Variants in ECI2 observed in about 807,000 individuals in gnomAD.
ECI2 encodes D3,D2-enoyl-CoA isomerase.
In ECI2, 27 loss-of-function variants were observed where a neutral mutation model predicts 38.4. The ratio of observed to expected loss-of-function variants is 0.70; its 90% CI spans 0.52 to 0.97. The LOEUF is 0.97. Among genes scored for constraint, ECI2 ranks in the 50% least tolerant of loss-of-function variants. The pLI, the probability that ECI2 is intolerant of heterozygous loss-of-function variation, is 0.00. For missense variants in ECI2, 470 were observed against 474.4 expected (o/e 0.99, Z 0.09); for synonymous variants, 168 against 172.0 (o/e 0.98, Z 0.18).
chr6:4,133,669 C>CCGGGAAACT lies in ECI2; in HGVS notation c.92_93insAGTTTCCCG (p.Met31delinsIleValSerArg). ...GACTGGCTCTCATTGCTGTTCTATT[C>CCGGGAAACT]ATGTGCAGCTGAACTACCGGGAAAC... On this transcript the variant is annotated protein_altering_variant, in exon 2 of 10. Transcript: ENST00000380118. 1 of 1,613,300 alleles carries CCGGGAAACT rather than the reference C, an allele frequency of 6.2e-7. No individual in the cohort carries two copies. Among genetic ancestry groups the CCGGGAAACT allele is most frequent in the East Asian group, 2.2e-5 (1 of 44,862 alleles).
chr6:4,117,581 G>A (rs1772366857), intron 8 of ECI2, 130 bp from the exon 9 acceptor site: 4 of 1,316,152 alleles, frequency 3.0e-6, no homozygotes, highest in South Asian at 1.6e-5. Context: ...CTCAGTAAGG[G>A]AGAAGCTGAT....
chr6:4,131,770 T>C (rs907162366), intron 2 of ECI2, among the ~76,000 whole-genome samples: 1 of 152,054 alleles, frequency 6.6e-6, no homozygotes, highest in Non-Finnish European at 1.5e-5. Flanking sequence ...GGCAGAAGGA[T>C]TGCCTGAACC....
intron 7 of ECI2, among the ~76,000 whole-genome samples, chr6:4,120,273 G>T (rs1011106229): frequency 6.6e-6 from 1 of 152,264 alleles, no homozygotes; most frequent in Middle Eastern, 3.4e-3. Flanking sequence ...CCAATATCAT[G>T]GAGTATACTT....
intron 1 of ECI2, among the ~76,000 whole-genome samples, chr6:4,133,986 C>T (rs978538987): frequency 3.3e-5 from 5 of 152,178 alleles, no homozygotes; most frequent in Admixed American, 3.3e-4. Context: ...GCAGCCAGAA[C>T]AGGAATGACC....
At position 4,126,570 on chromosome 6, in the gene ECI2, A is replaced by G. The variant is rs567597145; in HGVS notation, c.572-333T>C. On this transcript the variant is annotated intron_variant, in intron 5 of 9. Transcript: ENST00000380118. The stretch of plus-strand genomic sequence containing the variant: ...ATCTGAAGGAGAGGCCAGGTGGGCT[A>G]GAAAAAGAGGGCTGGGAAGAACAGT... Among the ~76,000 whole-genome samples, 14 of 152,326 alleles carry G rather than the reference A, an allele frequency of 9.2e-5. No homozygotes were observed. The South Asian group carries it at 2.5e-3, about 27-fold the overall frequency.
chr6:4,119,452 C>G (rs373975392), intron 7 of ECI2, among the ~76,000 whole-genome samples, 177 bp from the exon 8 acceptor site: 5 of 152,052 alleles, frequency 3.3e-5, no homozygotes, highest in Non-Finnish European at 7.4e-5. Flanking sequence ...TCCACAGCAG[C>G]TACGATTACA....
intron 7 of ECI2, among the ~76,000 whole-genome samples, chr6:4,122,650 C>A (rs547348163): frequency 6.6e-6 from 1 of 152,082 alleles, no homozygotes; most frequent in Non-Finnish European, 1.5e-5. Context: ...CGCCTGCCAC[C>A]ACACCTGGCT....
At chr6:4,121,987 T>C (rs755967273) in intron 7 of ECI2, 6 of 1,607,356 alleles carry the variant, frequency 3.7e-6, no homozygotes, top group Admixed American at 1.7e-5. Flanking sequence ...AGACACAGCC[T>C]AAGGAATACA....
Position 4,117,201 on chromosome 6 carries a change from C to T in ECI2, c.1029+107G>A, listed in dbSNP as rs1317759422. 16 of 1,383,568 alleles carry T rather than the reference C, an allele frequency of 1.2e-5. No homozygotes were observed. In the East Asian group the frequency reaches 3.1e-4, roughly 27 times the overall value. 85.7% of individuals were successfully genotyped at this position (1,383,568 alleles called of 1,614,324 possible). A position where few individuals can be genotyped will look rare whatever the true frequency, so the allele number is the denominator to read the frequency against. The stretch of plus-strand genomic sequence containing the variant: ...CAAATTTAGATGTGCTTAGAGGTAA[C>T]TAAAGATGTGTCTTGTGCTTTTTAT... On this transcript the variant is annotated intron_variant, in intron 9 of 9. Transcript: ENST00000380118.
rs1388727978 is a variant in ECI2 at position 4,130,866 on chromosome 6, C to G, written c.214-1G>C. The G allele has an allele frequency of 6.2e-7, 1 of 1,613,766 alleles. No homozygotes were observed. Among genetic ancestry groups the G allele is most frequent in the Non-Finnish European group, 8.5e-7 (1 of 1,179,940 alleles). On this transcript the variant is annotated splice_acceptor_variant, in intron 2 of 9. Coordinates refer to ENST00000380118, the MANE Select transcript of ECI2 (RefSeq NM_206836.3). LOFTEE classifies it high-confidence loss of function. ...GCATGTTACAAGGTCCTTCAGTGGC[C>G]TGTGAAAAGGAGAGGGGCAATATGT...
At chr6:4,123,795 T>C (rs1402904883) in intron 7 of ECI2, among the ~76,000 whole-genome samples, 2 of 151,750 alleles carry the variant, frequency 1.3e-5, no homozygotes, top group African/African-American at 2.4e-5. Context: ...AGTGAAACCC[T>C]GTCTCTACTA....
intron 6 of ECI2, chr6:4,125,864 T>C: frequency 1.8e-6 from 1 of 555,676 alleles, no homozygotes; most frequent in Non-Finnish European, 3.3e-6. Flanking sequence ...TCTGCCTCAG[T>C]GCAAGATAAT....
chr6:4,119,030 C>T, intron 8 of ECI2, 156 bp downstream of exon 8: 1 of 605,430 alleles, frequency 1.7e-6, no homozygotes, highest in Non-Finnish European at 2.8e-6. Flanking sequence ...AGCCTGATTC[C>T]TCCATTGGTA....
At chr6:4,119,016 C>A in intron 8 of ECI2, 170 bp downstream of exon 8, 1 of 568,210 alleles carries the variant, frequency 1.8e-6, no homozygotes, top group South Asian at 2.3e-5. Flanking sequence ...CAGATACTTC[C>A]CATAGCCTGA....
rs750749035 is a variant in ECI2, at chr6:4,133,654, C to G, written c.108G>C (p.Met36Ile). The G allele has an allele frequency of 6.2e-7, 1 of 1,614,020 alleles. No individual in the cohort carries two copies. The highest frequency in any genetic ancestry group is 1.3e-5 in the African/African-American group (1 of 75,034). Residue 36 changes from methionine (M) to isoleucine (I), a missense_variant, in exon 2 of 10, where the codon ATG becomes ATC. Met to Ile is a conservative substitution (Grantham distance 10). Transcript: ENST00000380118. Reference protein sequence around the residue: ...VVQLHMNRTAMRASQKDFENS... With the variant: ...VVQLHMNRTAIRASQKDFENS... The stretch of plus-strand genomic sequence containing the variant: ...TTTCAAAGTCCTTCTGACTGGCTCT[C>G]ATTGCTGTTCTATTCATGTGCAGCT...
chr6:4,116,283 G>A (rs546018435), intron 9 of ECI2, among the ~76,000 whole-genome samples: 3 of 151,828 alleles, frequency 2.0e-5, no homozygotes, highest in African/African-American at 4.8e-5. Flanking sequence ...CCCGGGAGGC[G>A]GAGGTTGCAG....
chr6:4,115,930 A>G lies in ECI2; in HGVS notation c.1129T>C (p.Ser377Pro). Reference sequence around the variant, plus strand: ...ACCACAGCATTTGTGCATTCATCTGATAGCCATCTTCCCTGAAGGACATTG... The same window carrying G: ...ACCACAGCATTTGTGCATTCATCTGGTAGCCATCTTCCCTGAAGGACATTG... ...ECNVLQGRWL[S>P]DECTNAVVNF... Residue 377 changes from serine to proline, a missense_variant, in exon 10 of 10, where the codon TCA (serine) becomes CCA (proline). By Grantham distance (74) the Ser-to-Pro change is moderately conservative. Coordinates refer to ENST00000380118, the MANE Select transcript of ECI2 (RefSeq NM_206836.3). 1 of 1,614,214 alleles carries G rather than the reference A, an allele frequency of 6.2e-7. No individual in the cohort carries two copies. The highest frequency in any genetic ancestry group is 8.5e-7 in the Non-Finnish European group (1 of 1,180,028).
In ECI2 at chr6:4,117,369, T is replaced by A; in HGVS notation, c.968A>T (p.Asp323Val). The change falls in exon 9 of 10, where the codon GAT becomes GTT. Residue 323 changes from aspartate (D) to valine (V), a missense_variant. Coordinates refer to ENST00000380118, the MANE Select transcript of ECI2 (RefSeq NM_206836.3). Reference protein sequence around the residue: ...AQGLVTEVFPDSTFQKEVWTR... With the variant: ...AQGLVTEVFPVSTFQKEVWTR... ...CCAGACTTCTTTCTGAAAAGTGCTA[T>A]CAGGGAAAACTTCAGTAACAAGTCC... 1 of 1,614,086 alleles carries A rather than the reference T, an allele frequency of 6.2e-7. No homozygotes were observed. The highest frequency in any genetic ancestry group is 8.5e-7 in the Non-Finnish European group (1 of 1,179,984).
intron 2 of ECI2, among the ~76,000 whole-genome samples, chr6:4,132,104 A>G (rs1773530844): frequency 6.6e-6 from 1 of 152,188 alleles, no homozygotes; most frequent in Non-Finnish European, 1.5e-5. Flanking sequence ...AAAGACACCC[A>G]GAACTCACTG....
Sources: gnomAD v4.1 joint callset for allele counts (sites outside exome capture counted in the v4.1 genomes callset) on GRCh38, gnomAD v4.1.1 for gene constraint, MANE v1.5 for transcripts, NCBI Gene and HGNC (gene_info 2026-07-23, HGNC 2026-07-21) for gene names.